Variants in HIVEP1 observed in about 807,000 individuals in gnomAD.
HIVEP1 encodes zinc finger protein 40.
HIVEP1 carries 36 observed loss-of-function variants against 180.0 expected under a neutral mutation model. The observed-to-expected ratio is 0.20, with a 90% CI of 0.15 to 0.26. The LOEUF is 0.26. Ranked by LOEUF, HIVEP1 falls within the 10% of genes least tolerant of loss-of-function variation. The probability of loss-of-function intolerance (pLI) is 1.00; values close to 1 mark genes in which losing one functional copy is unlikely to be tolerated. For missense variants in HIVEP1, 3,143 were observed against 3,268.7 expected (o/e 0.96, Z 0.94); for synonymous variants, 1,239 against 1,239.0 (o/e 1.00, Z 0.00).
chr6:12,017,522 G>C (rs931361296), intron 2 of HIVEP1, among the ~76,000 whole-genome samples: 2 of 151,906 alleles, frequency 1.3e-5, no homozygotes, highest in African/African-American at 4.9e-5. Context: ...TCTGCAAGGG[G>C]ACCCAAGCAG....
intron 2 of HIVEP1, among the ~76,000 whole-genome samples, chr6:12,048,090 T>C (rs900260586): frequency 2.6e-5 from 4 of 152,216 alleles, no homozygotes; most frequent in Non-Finnish European, 1.5e-5. Context: ...TTCATGACCA[T>C]GGGCTTTTCA....
intron 3 of HIVEP1, among the ~76,000 whole-genome samples, chr6:12,106,073 T>C (rs970861589): frequency 5.9e-5 from 9 of 151,642 alleles, no homozygotes; most frequent in Admixed American, 2.6e-4. Flanking sequence ...TACATATATA[T>C]ACACACACAC....
intron 7 of HIVEP1, among the ~76,000 whole-genome samples, chr6:12,153,170 T>C (rs897026655): frequency 2.0e-5 from 3 of 152,252 alleles, no homozygotes; most frequent in Non-Finnish European, 4.4e-5. Flanking sequence ...CAAATAATTA[T>C]ATGACATTCT....
At chr6:12,015,713 T>A (rs779795155) in intron 2 of HIVEP1, 45 bp downstream of exon 2, 26 of 1,549,506 alleles carry the variant, frequency 1.7e-5, no homozygotes, top group Non-Finnish European at 2.2e-5. Flanking sequence ...TGTAAATCTT[T>A]TAACAAAGTA....
the HIVEP1 span, among the ~76,000 whole-genome samples, chr6:12,197,170 G>C: frequency 2.0e-5 from 3 of 152,182 alleles, no homozygotes; most frequent in Non-Finnish European, 4.4e-5. Flanking sequence ...TCAATTAAAA[G>C]AGAGTTGGGA....
chr6:12,163,358 G>C lies in HIVEP1; in HGVS notation c.7054G>C (p.Ala2352Pro), dbSNP rs975945706. 6.2e-7 allele frequency: 1 copy of C among 1,614,144 alleles called. No individual in the cohort carries two copies. The highest frequency in any genetic ancestry group is 1.3e-5 in the African/African-American group (1 of 75,016). ...PQTAAGMPSV[A>P]SPHPDPQEQK... ...GACAGCAGCGGGGATGCCTTCTGTGGCCTCACCACATCCTGACCCTCAAGA... is the reference window on the plus strand; with the variant it reads ...GACAGCAGCGGGGATGCCTTCTGTGCCCTCACCACATCCTGACCCTCAAGA... Residue 2352 changes from alanine to proline, a missense_variant, in exon 9 of 9, where the codon GCC becomes CCC. Ala to Pro is a conservative substitution (Grantham distance 27, BLOSUM62 -1). Coordinates refer to ENST00000379388, the MANE Select transcript of HIVEP1 (RefSeq NM_002114.4).
At chr6:12,187,594 T>A in the HIVEP1 span, among the ~76,000 whole-genome samples, 2 of 14,998 alleles carry the variant, frequency 1.3e-4, no homozygotes, top group Non-Finnish European at 2.3e-4. Flanking sequence ...CAAATAAATC[T>A]TTTTTTTTTT....
At chr6:12,163,172 C>A (rs1340242364) in intron 8 of HIVEP1, 111 bp from the exon 9 acceptor site, 21 of 834,916 alleles carry the variant, frequency 2.5e-5, no homozygotes, top group Middle Eastern at 2.9e-4. Context: ...TTTATCAATG[C>A]AAATATACTT....
the HIVEP1 span, among the ~76,000 whole-genome samples, chr6:12,179,592 A>G: frequency 1.0e-3 from 152 of 152,310 alleles, no homozygotes; most frequent in Non-Finnish European, 1.5e-3. Flanking sequence ...AGCAGGGAGG[A>G]TGGAAGTCGT....
rs775294473 is a variant in HIVEP1 at position 12,124,980 on chromosome 6, A to C, written c.5185A>C (p.Ile1729Leu). The C allele has an allele frequency of 1.9e-6, 3 of 1,614,192 alleles. No individual in the cohort carries two copies. Among genetic ancestry groups the C allele is most frequent in the African/African-American group, 1.3e-5 (1 of 75,046 alleles). ...LSESLPITQK[I>L]SVGRLSPQQE... ...AGAATCCTTGCCCATAACTCAGAAA[A>C]TATCTGTTGGTCGACTTTCCCCTCA... The change falls in exon 4 of 9, where the codon ATA becomes CTA. Residue 1729 changes from isoleucine (I) to leucine (L), a missense_variant. Around this residue, in one of 12 missense-constraint regions of HIVEP1, gnomAD observed 1,357 missense variants for 1,260.5 expected, o/e 1.08. Coordinates refer to ENST00000379388, the MANE Select transcript of HIVEP1 (RefSeq NM_002114.4).
the HIVEP1 span, among the ~76,000 whole-genome samples, chr6:12,192,419 A>C: frequency 1.3e-5 from 2 of 152,142 alleles, no homozygotes; most frequent in African/African-American, 4.8e-5. Context: ...AGCATTTATA[A>C]TTTTTTTGTA....
At chr6:12,107,767 C>T (rs111870657) in intron 3 of HIVEP1, among the ~76,000 whole-genome samples, 2,571 of 152,210 alleles carry the variant, frequency 0.017, 71 homozygotes, top group African/African-American at 0.059. Context: ...GAAGGGGACC[C>T]GAGCGGGTTG....
intron 2 of HIVEP1, among the ~76,000 whole-genome samples, chr6:12,033,704 AC>A (rs1769102628): frequency 6.6e-6 from 1 of 152,170 alleles, no homozygotes; most frequent in Non-Finnish European, 1.5e-5. Context: ...AGTTTATCTT[AC>A]TATTTTACTT....
the HIVEP1 span, among the ~76,000 whole-genome samples, chr6:12,178,352 A>T: frequency 2.6e-5 from 4 of 152,184 alleles, no homozygotes; most frequent in Admixed American, 2.6e-4. Context: ...ACTTTGAGAG[A>T]CCGAGGTGGG....
chr6:12,057,926 C>T (rs1233606726), intron 2 of HIVEP1, among the ~76,000 whole-genome samples: 2 of 152,134 alleles, frequency 1.3e-5, no homozygotes, highest in African/African-American at 4.8e-5. Flanking sequence ...GTAGTTTGCA[C>T]TCATTAAAGA....
At chr6:12,190,428 T>C in the HIVEP1 span, among the ~76,000 whole-genome samples, 1 of 152,152 alleles carries the variant, frequency 6.6e-6, no homozygotes, top group South Asian at 2.1e-4. Context: ...CTCCTCTCAC[T>C]CCGCAGTTTC....
intron 2 of HIVEP1, among the ~76,000 whole-genome samples, chr6:12,074,619 A>AGTGTGT (rs113951055): frequency 0.041 from 5,735 of 138,804 alleles, 300 homozygotes; most frequent in African/African-American, 0.12. Flanking sequence ...TGTATGAAAA[A>AGTGTGT]GTGTGTGTGT....
intron 7 of HIVEP1, among the ~76,000 whole-genome samples, chr6:12,150,973 T>C (rs192654232): frequency 7.9e-4 from 120 of 152,320 alleles, no homozygotes; most frequent in Non-Finnish European, 1.5e-3. Context: ...GAGCCCCTTC[T>C]CTCAGGGAGC....
chr6:12,119,574 A>G (rs868649280), intron 3 of HIVEP1, among the ~76,000 whole-genome samples: 9 of 152,228 alleles, frequency 5.9e-5, no homozygotes, highest in African/African-American at 2.2e-4. Flanking sequence ...CTGTTTAAGT[A>G]TGATAGTGAA....
Sources: gnomAD v4.1 joint callset for allele counts (sites outside exome capture counted in the v4.1 genomes callset) on GRCh38, gnomAD v4.1.1 for gene constraint, gnomAD v4.1.1 regional missense constraint, MANE v1.5 for transcripts, NCBI Gene and HGNC (gene_info 2026-07-23, HGNC 2026-07-21) for gene names.